Variants in NOL4 observed in about 807,000 individuals in gnomAD.
The protein encoded by NOL4 is cancer/testis antigen 125.
In NOL4, 17 loss-of-function variants were observed where a neutral mutation model predicts 75.9. That is an observed-to-expected ratio of 0.22 (90% CI 0.15 to 0.34). NOL4 has a LOEUF of 0.34. Among genes scored for constraint, NOL4 ranks in the 10% least tolerant of loss-of-function variants. NOL4 has a pLI of 1.00. For missense variants in NOL4, 614 were observed against 793.5 expected, an observed-to-expected ratio of 0.77 and a Z score of 2.72; for synonymous variants, 292 against 289.9, an observed-to-expected ratio of 1.01 and a Z score of -0.07.
In NOL4 at chr18:34,215,529, T is replaced by G. The variant is rs574258986; in HGVS notation, c.264+7461A>C. Among the ~76,000 whole-genome samples, 3 of 152,220 alleles carry G rather than the reference T, an allele frequency of 2.0e-5. No homozygotes were observed. The East Asian group carries it at 5.8e-4, about 29-fold the overall frequency. On this transcript the variant is annotated intron_variant, in intron 1 of 10. Coordinates refer to ENST00000261592, the MANE Select transcript of NOL4 (RefSeq NM_003787.5). ...GAACATTGACTATAAGAGGGAGAAA[T>G]CAAGGCTGCCATACAAATTTCACCT...
chr18:34,077,832 T>C (rs1041305757), intron 5 of NOL4, among the ~76,000 whole-genome samples: 1 of 152,166 alleles, frequency 6.6e-6, no homozygotes, highest in African/African-American at 2.4e-5. Flanking sequence ...CTGCTTTCTG[T>C]GACCTAAAAC....
intron 1 of NOL4, among the ~76,000 whole-genome samples, chr18:34,200,057 C>T (rs545484154): frequency 1.3e-5 from 2 of 151,870 alleles, no homozygotes; most frequent in African/African-American, 4.8e-5. Context: ...GTTTTTCAGA[C>T]CCTGGCACCA....
In NOL4 at chr18:33,991,473, C is replaced by A. The variant is rs551271113; in HGVS notation, c.1056+27845G>T. Among the ~76,000 whole-genome samples, 4 of 152,004 alleles carry A rather than the reference C, an allele frequency of 2.6e-5. No individual in the cohort carries two copies. In the South Asian group the frequency reaches 8.3e-4, roughly 32 times the overall value. On this transcript the variant is annotated intron_variant, in intron 6 of 10. Transcript: ENST00000261592. ...TTAAATTATCTTGTATACTTGGTTT[C>A]TCTGGGATACAACAATTAATCCTAT...
At chr18:34,043,421 A>T (rs2076225804) in intron 5 of NOL4, among the ~76,000 whole-genome samples, 4 of 152,002 alleles carry the variant, frequency 2.6e-5, no homozygotes, top group Admixed American at 2.6e-4. Context: ...ATGACCAATA[A>T]TCTGCTTATT....
intron 1 of NOL4, among the ~76,000 whole-genome samples, chr18:34,211,308 A>G (rs1376818889): frequency 6.6e-6 from 1 of 152,232 alleles, no homozygotes; most frequent in Non-Finnish European, 1.5e-5. Context: ...ACAACATAGC[A>G]AAAATTCTTT....
chr18:33,932,193 A>G (rs2145424799), intron 9 of NOL4, among the ~76,000 whole-genome samples: 1 of 152,164 alleles, frequency 6.6e-6, no homozygotes, highest in Middle Eastern at 3.4e-3. Context: ...TTAATGTATT[A>G]TTTACATTAA....
chr18:34,150,094 T>C (rs1024292188), intron 1 of NOL4, among the ~76,000 whole-genome samples: 3 of 151,708 alleles, frequency 2.0e-5, no homozygotes, highest in African/African-American at 7.2e-5. Context: ...GATAATTATA[T>C]AATATATCTG....
At chr18:34,203,181 C>G (rs941722651) in intron 1 of NOL4, among the ~76,000 whole-genome samples, 19 of 151,886 alleles carry the variant, frequency 1.3e-4, no homozygotes, top group African/African-American at 3.9e-4. Context: ...AAAAAACAAG[C>G]CAGTCCCCAA....
intron 2 of NOL4, among the ~76,000 whole-genome samples, chr18:34,110,867 C>A (rs2079554089): frequency 6.6e-6 from 1 of 151,868 alleles, no homozygotes; most frequent in Non-Finnish European, 1.5e-5. Context: ...ACAAAATCAG[C>A]TGAATGTTTA....
At chr18:33,946,530 T>C (rs1003834515) in intron 8 of NOL4, among the ~76,000 whole-genome samples, 2 of 151,766 alleles carry the variant, frequency 1.3e-5, no homozygotes, top group Non-Finnish European at 3.0e-5. Flanking sequence ...TTGGGAGTTA[T>C]AATCCCTAGT....
intron 5 of NOL4, among the ~76,000 whole-genome samples, chr18:34,026,143 C>A (rs575941627): frequency 1.3e-5 from 2 of 152,210 alleles, no homozygotes; most frequent in African/African-American, 4.8e-5. Flanking sequence ...GTTCTCAAAT[C>A]TGTTCTCCTT....
chr18:34,162,501 AT>A (rs1443043987), intron 1 of NOL4, among the ~76,000 whole-genome samples: 7 of 152,202 alleles, frequency 4.6e-5, no homozygotes, highest in African/African-American at 1.7e-4. Flanking sequence ...AAATGGATAA[AT>A]TCCTGGACAC....
chr18:33,997,703 A>G (rs2073397687), intron 6 of NOL4, among the ~76,000 whole-genome samples: 1 of 148,620 alleles, frequency 6.7e-6, no homozygotes, highest in Non-Finnish European at 1.5e-5. Context: ...ATATATACAC[A>G]TATATTTATA....
chr18:34,218,544 G>A (rs1433260396), intron 1 of NOL4, among the ~76,000 whole-genome samples: 1 of 152,094 alleles, frequency 6.6e-6, no homozygotes, highest in Non-Finnish European at 1.5e-5. Context: ...TGTTCCCTGC[G>A]AGCTGACCTA....
chr18:34,014,047 C>A (rs191274917), intron 6 of NOL4, among the ~76,000 whole-genome samples: 1 of 151,974 alleles, frequency 6.6e-6, no homozygotes, highest in Admixed American at 6.6e-5. Flanking sequence ...AGAAGTCAAT[C>A]CATCGCTCTT....
intron 9 of NOL4, among the ~76,000 whole-genome samples, chr18:33,904,220 G>A (rs1263873823): frequency 2.0e-5 from 3 of 152,002 alleles, no homozygotes; most frequent in Non-Finnish European, 4.4e-5. Flanking sequence ...GTCCCATCGA[G>A]GGATAGTATG....
intron 8 of NOL4, among the ~76,000 whole-genome samples, chr18:33,952,394 A>G (rs1225234305): frequency 6.6e-6 from 1 of 152,232 alleles, no homozygotes; most frequent in Non-Finnish European, 1.5e-5. Flanking sequence ...GCAGTCTCAT[A>G]TGATGAACTA....
intron 1 of NOL4, among the ~76,000 whole-genome samples, chr18:34,132,341 A>G (rs866539876): frequency 6.6e-6 from 1 of 152,252 alleles, no homozygotes; most frequent in Non-Finnish European, 1.5e-5. Flanking sequence ...TATTCAACCA[A>G]CTACCAATGG....
At chr18:33,990,999 T>C (rs2072873957) in intron 6 of NOL4, among the ~76,000 whole-genome samples, 2 of 152,044 alleles carry the variant, frequency 1.3e-5, no homozygotes, top group South Asian at 4.1e-4. Flanking sequence ...TTCAATATCT[T>C]ATACCCGCTA....
Sources: gnomAD v4.1 joint callset for allele counts (sites outside exome capture counted in the v4.1 genomes callset) on GRCh38, gnomAD v4.1.1 for gene constraint, MANE v1.5 for transcripts, NCBI Gene and HGNC (gene_info 2026-07-23, HGNC 2026-07-21) for gene names.